The following NDST3 variants were observed in gnomAD, a reference collection of about 807,000 sequenced individuals.
NDST3 encodes bifunctional heparan sulfate N-deacetylase/N-sulfotransferase 3.
In NDST3, 58 loss-of-function variants were observed where a neutral mutation model predicts 96.1. The observed-to-expected ratio is 0.60, with a 90% CI of 0.49 to 0.75. NDST3 has a LOEUF of 0.75. Ranked by LOEUF, NDST3 falls within the 30% of genes least tolerant of loss-of-function variation. The probability of loss-of-function intolerance (pLI) is 0.00; values close to 1 mark genes in which losing one functional copy is unlikely to be tolerated. For missense variants in NDST3, 788 were observed against 1,034.2 expected (o/e 0.76, Z 3.27); for synonymous variants, 333 against 359.7 (o/e 0.93, Z 0.84).
chr4:118,239,893 G>C (rs562941065), intron 10 of NDST3, among the ~76,000 whole-genome samples: 9 of 152,064 alleles, frequency 5.9e-5, no homozygotes, highest in African/African-American at 2.2e-4. Context: ...GAGCAATCCT[G>C]TTGGATTGCT....
chr4:118,050,973 C>A (rs1459374305), intron 1 of NDST3, among the ~76,000 whole-genome samples: 2 of 152,256 alleles, frequency 1.3e-5, no homozygotes, highest in African/African-American at 2.4e-5. Flanking sequence ...TCAAACTATA[C>A]TACAAAGCTA....
chr4:118,139,830 CT>C, intron 5 of NDST3, among the ~76,000 whole-genome samples: 1 of 152,252 alleles, frequency 6.6e-6, no homozygotes, highest in Non-Finnish European at 1.5e-5. Context: ...TCCTTTATAT[CT>C]TTTTTATTTC....
chr4:118,253,702 T>C (rs1355311667), intron 13 of NDST3, 101 bp downstream of exon 13: 2 of 816,948 alleles, frequency 2.4e-6, no homozygotes, highest in East Asian at 2.5e-5. Flanking sequence ...ATTCAGCCTT[T>C]CTAAAAATTA....
rs1560609275 is a variant in NDST3 at position 118,053,799 on chromosome 4, G to C, written c.-112G>C. ...CCTGATCAAGTGATACAAATGAGCTGCAATGGTGACATAAACTCTTGACAG... is the reference window on the plus strand; with the variant it reads ...CCTGATCAAGTGATACAAATGAGCTCCAATGGTGACATAAACTCTTGACAG... On this transcript the variant is annotated 5_prime_UTR_variant, in exon 2 of 14. Coordinates refer to ENST00000296499, the MANE Select transcript of NDST3 (RefSeq NM_004784.3). 1 of 1,142,582 alleles carries C rather than the reference G, an allele frequency of 8.8e-7. No individual in the cohort carries two copies. The highest frequency in any genetic ancestry group is 1.6e-5 in the African/African-American group (1 of 64,116). 70.8% of individuals were successfully genotyped at this position (1,142,582 alleles called of 1,614,324 possible).
intron 6 of NDST3, among the ~76,000 whole-genome samples, chr4:118,209,407 C>T (rs1294153560): frequency 6.6e-6 from 1 of 152,142 alleles, no homozygotes; most frequent in East Asian, 1.9e-4. Context: ...ATTAGAACAG[C>T]ATGAGCAAGA....
chr4:118,252,975 C>G (rs932241751), intron 12 of NDST3, among the ~76,000 whole-genome samples: 9 of 152,022 alleles, frequency 5.9e-5, no homozygotes, highest in African/African-American at 2.2e-4. Flanking sequence ...AAGAAAGTAG[C>G]TCTGAAAAAA....
At chr4:118,034,996 A>G (rs367935203) in intron 1 of NDST3, among the ~76,000 whole-genome samples, 95 of 152,328 alleles carry the variant, frequency 6.2e-4, no homozygotes, top group African/African-American at 2.1e-3. Flanking sequence ...AAGGCTTTCT[A>G]TTTGATGCAG....
At chr4:118,249,349 ATG>A (rs1340274150) in intron 12 of NDST3, among the ~76,000 whole-genome samples, 1 of 152,238 alleles carries the variant, frequency 6.6e-6, no homozygotes, top group Admixed American at 6.5e-5. Flanking sequence ...TGATAGCAAA[ATG>A]TTAATGAAAA....
At chr4:118,124,930 G>A (rs1432749377) in intron 4 of NDST3, among the ~76,000 whole-genome samples, 1 of 151,960 alleles carries the variant, frequency 6.6e-6, no homozygotes, top group Non-Finnish European at 1.5e-5. Flanking sequence ...TCCTTCCTCA[G>A]GTTTCTGGAT....
intron 2 of NDST3, among the ~76,000 whole-genome samples, chr4:118,093,359 A>G (rs1296439153): frequency 6.6e-6 from 1 of 151,928 alleles, no homozygotes; most frequent in Non-Finnish European, 1.5e-5. Flanking sequence ...GACACAAGAC[A>G]TGATGCATAG....
At chr4:118,158,971 A>AG (rs1308837148) in intron 6 of NDST3, among the ~76,000 whole-genome samples, 1 of 152,192 alleles carries the variant, frequency 6.6e-6, no homozygotes, top group Non-Finnish European at 1.5e-5. Flanking sequence ...AGCTGCATAG[A>AG]GGCCAGTAAA....
At chr4:118,140,673 A>G (rs10001520) in intron 5 of NDST3, among the ~76,000 whole-genome samples, 6,961 of 152,290 alleles carry the variant, frequency 0.046, 273 homozygotes, top group African/African-American at 0.11. Flanking sequence ...CAATCATGGC[A>G]GAAGGCAAAG....
chr4:118,104,698 G>A (rs1398331497), intron 2 of NDST3, among the ~76,000 whole-genome samples: 1 of 151,970 alleles, frequency 6.6e-6, no homozygotes, highest in African/African-American at 2.4e-5. Context: ...ATGCCTGAAG[G>A]GTAAATTGGA....
chr4:118,150,629 T>A (rs1311854706), intron 6 of NDST3, among the ~76,000 whole-genome samples: 1 of 150,778 alleles, frequency 6.6e-6, no homozygotes, highest in African/African-American at 2.5e-5. Context: ...AAAAAACACA[T>A]GAAAAAATGC....
intron 8 of NDST3, among the ~76,000 whole-genome samples, chr4:118,228,361 T>C (rs964359324): frequency 6.6e-6 from 1 of 152,184 alleles, no homozygotes; most frequent in Non-Finnish European, 1.5e-5. Context: ...CCTGAAGGCT[T>C]GGTAGCATTT....
chr4:118,125,686 C>A (rs1731993232), intron 4 of NDST3, among the ~76,000 whole-genome samples: 3 of 151,960 alleles, frequency 2.0e-5, no homozygotes, highest in South Asian at 2.1e-4. Flanking sequence ...GAATTATAAA[C>A]CTGGACTTTA....
At chr4:118,066,501 ATATATTATATATACATTAT>A (rs1726534732) in intron 2 of NDST3, among the ~76,000 whole-genome samples, 1 of 58,066 alleles carries the variant, frequency 1.7e-5, no homozygotes, top group African/African-American at 5.6e-5. Context: ...TATATATGTT[ATATATTATATATACATTAT>A]ATATGTTATA....
intron 5 of NDST3, among the ~76,000 whole-genome samples, chr4:118,141,535 A>G (rs1280338851): frequency 6.6e-6 from 1 of 152,148 alleles, no homozygotes; most frequent in Non-Finnish European, 1.5e-5. Context: ...AAATTCAAAT[A>G]ATTTGAGAAA....
chr4:118,250,831 G>A (rs1201742318), intron 12 of NDST3, among the ~76,000 whole-genome samples: 2 of 151,930 alleles, frequency 1.3e-5, no homozygotes, highest in African/African-American at 2.4e-5. Context: ...ATCTTTTATA[G>A]TGAGTTATAT....
Sources: allele counts gnomAD v4.1 joint callset (sites outside exome capture counted in the v4.1 genomes callset), GRCh38; gene constraint gnomAD v4.1.1; transcripts MANE v1.5; gene names NCBI Gene and HGNC (gene_info 2026-07-23, HGNC 2026-07-21).